MAF: variants seen among roughly 807,000 people sequenced by gnomAD.
MAF encodes the protein MAF bZIP transcription factor.
MAF carries 10 observed loss-of-function variants against 22.0 expected under a neutral mutation model. The observed-to-expected ratio is 0.45, with a 90% CI of 0.28 to 0.77. MAF has a LOEUF of 0.77. Among genes scored for constraint, MAF ranks in the 30% least tolerant of loss-of-function variants. The probability of loss-of-function intolerance (pLI) is 0.12; values close to 1 mark genes in which losing one functional copy is unlikely to be tolerated. For missense variants in MAF, 544 were observed against 548.4 expected, an observed-to-expected ratio of 0.99 and a Z score of 0.08; for synonymous variants, 337 against 255.8, an observed-to-expected ratio of 1.32 and a Z score of -3.03.
the MAF span, among the ~76,000 whole-genome samples, chr16:79,540,178 AAT>A: frequency 5.3e-5 from 8 of 151,828 alleles, no homozygotes; most frequent in East Asian, 1.2e-3. Context: ...GCTGTAAAGG[AAT>A]GAGGTGGGAT....
the MAF span, among the ~76,000 whole-genome samples, chr16:79,311,569 CTG>C: frequency 6.6e-6 from 1 of 151,508 alleles, no homozygotes; most frequent in Non-Finnish European, 1.5e-5. Flanking sequence ...AGTCGGGGTA[CTG>C]TGAGTATGAG....
the MAF span, among the ~76,000 whole-genome samples, chr16:79,480,963 C>T: frequency 6.6e-6 from 1 of 152,092 alleles, no homozygotes; most frequent in Admixed American, 6.5e-5. Context: ...GTGACACCAT[C>T]AAAAAAGCAC....
At chr16:79,345,953 G>C in the MAF span, among the ~76,000 whole-genome samples, 3 of 151,426 alleles carry the variant, frequency 2.0e-5, no homozygotes, top group Admixed American at 1.3e-4. Flanking sequence ...TTTTGAATTT[G>C]ATCAATTTCA....
chr16:79,294,350 CTG>C, the MAF span, among the ~76,000 whole-genome samples: 1 of 152,142 alleles, frequency 6.6e-6, no homozygotes. Flanking sequence ...CTATAAAAGA[CTG>C]TTTCTTTGAT....
At chr16:79,526,194 C>T in the MAF span, among the ~76,000 whole-genome samples, 1 of 152,098 alleles carries the variant, frequency 6.6e-6, no homozygotes, top group East Asian at 1.9e-4. Context: ...GCACCAGGAG[C>T]CGGTTTTGTG....
chr16:79,585,761 C>G (rs547941673), downstream of MAF: 3 of 571,700 alleles, frequency 5.2e-6, no homozygotes, highest in East Asian at 8.8e-5. Context: ...ACTTTTCACA[C>G]CTAAAAAGTT....
At chr16:79,264,211 A>G in the MAF span, among the ~76,000 whole-genome samples, 7 of 152,200 alleles carry the variant, frequency 4.6e-5, no homozygotes, top group Non-Finnish European at 7.3e-5. Flanking sequence ...CTTCCATCTC[A>G]GTCCAGAGGG....
At chr16:79,324,420 C>T in the MAF span, among the ~76,000 whole-genome samples, 1 of 152,192 alleles carries the variant, frequency 6.6e-6, no homozygotes, top group South Asian at 2.1e-4. Context: ...TCATTATATT[C>T]GGATTCTGCA....
chr16:79,368,352 T>A, the MAF span, among the ~76,000 whole-genome samples: 3 of 152,026 alleles, frequency 2.0e-5, no homozygotes, highest in Admixed American at 2.0e-4. Context: ...AGGGTAGACA[T>A]TATCTAATTT....
the MAF span, among the ~76,000 whole-genome samples, chr16:79,450,347 A>C: frequency 6.6e-6 from 1 of 152,210 alleles, no homozygotes; most frequent in African/African-American, 2.4e-5. Context: ...ACAGACTACC[A>C]CAAAATGCAC....
chr16:79,556,275 C>CT, the MAF span, among the ~76,000 whole-genome samples: 2 of 152,272 alleles, frequency 1.3e-5, no homozygotes, highest in African/African-American at 4.8e-5. Flanking sequence ...GCTACTCCAT[C>CT]TTTTTTGAAA....
chr16:79,238,917 A>T, the MAF span, among the ~76,000 whole-genome samples: 1 of 151,898 alleles, frequency 6.6e-6, no homozygotes, highest in Non-Finnish European at 1.5e-5. Context: ...GTTTGCTCTG[A>T]TCTCATGGTG....
At chr16:79,470,395 A>G in the MAF span, among the ~76,000 whole-genome samples, 1 of 152,202 alleles carries the variant, frequency 6.6e-6, no homozygotes, top group East Asian at 1.9e-4. Flanking sequence ...CCAGGGGACC[A>G]GGATGGCAAC....
At chr16:79,541,429 C>T in the MAF span, among the ~76,000 whole-genome samples, 1 of 152,024 alleles carries the variant, frequency 6.6e-6, no homozygotes, top group African/African-American at 2.4e-5. Flanking sequence ...CTGCGTCAGT[C>T]CCTGGCAGGG....
the MAF span, among the ~76,000 whole-genome samples, chr16:79,325,684 A>G: frequency 6.6e-6 from 1 of 152,142 alleles, no homozygotes; most frequent in Non-Finnish European, 1.5e-5. Context: ...AGAACAAAGC[A>G]AGATATAAAT....
the MAF span, among the ~76,000 whole-genome samples, chr16:79,370,839 T>A: frequency 6.6e-6 from 1 of 152,038 alleles, no homozygotes; most frequent in African/African-American, 2.4e-5. Context: ...TAATTCACTG[T>A]CTGTGTAGTG....
At chr16:79,469,068 G>A in the MAF span, among the ~76,000 whole-genome samples, 4 of 152,118 alleles carry the variant, frequency 2.6e-5, no homozygotes, top group African/African-American at 7.2e-5. Context: ...CCAATCATGT[G>A]TCCCAAGTGC....
At chr16:79,583,195 T>C (rs1008320305), downstream of MAF, among the ~76,000 whole-genome samples, 3 of 152,238 alleles carry the variant, frequency 2.0e-5, no homozygotes, top group African/African-American at 4.8e-5. Flanking sequence ...GCGTGCAAGA[T>C]AGAAACAAGA....
chr16:79,325,754 A>T, the MAF span, among the ~76,000 whole-genome samples: 76,183 of 152,166 alleles, frequency 0.5, 21,216 homozygotes, highest in Non-Finnish European at 0.64. Flanking sequence ...AGGAAGACCC[A>T]GTTCTTCACT....
Sources: gnomAD v4.1 joint callset for allele counts (sites outside exome capture counted in the v4.1 genomes callset) on GRCh38, gnomAD v4.1.1 for gene constraint, MANE v1.5 for transcripts, NCBI Gene and HGNC (gene_info 2026-07-23, HGNC 2026-07-21) for gene names.